PLCB4: variants seen among roughly 807,000 people sequenced by gnomAD.
PLCB4 encodes 1-phosphatidylinositol 4,5-bisphosphate phosphodiesterase beta-4.
In PLCB4, 77 loss-of-function variants were observed where a neutral mutation model predicts 178.8. The ratio of observed to expected loss-of-function variants is 0.43; its 90% CI spans 0.36 to 0.52. The LOEUF is 0.52. Ranked by LOEUF, PLCB4 falls within the 20% of genes least tolerant of loss-of-function variation. The pLI, the probability that PLCB4 is intolerant of heterozygous loss-of-function variation, is 0.00. For missense variants in PLCB4, 1,024 were observed against 1,453.4 expected (o/e 0.70, Z 4.80); for synonymous variants, 496 against 490.8 (o/e 1.01, Z -0.14).
At chr20:9,295,739 G>A (rs551702128) in intron 3 of PLCB4, among the ~76,000 whole-genome samples, 41 of 152,140 alleles carry the variant, frequency 2.7e-4, no homozygotes, top group Middle Eastern at 3.4e-3. Context: ...GTAGATATGC[G>A]GCATTATTTC....
chr20:9,387,159 C>T (rs1299639311), intron 14 of PLCB4, among the ~76,000 whole-genome samples: 1 of 151,946 alleles, frequency 6.6e-6, no homozygotes, highest in Non-Finnish European at 1.5e-5. Flanking sequence ...GGACACACCA[C>T]GCCCGGCCCC....
intron 27 of PLCB4, 28 bp from the exon 28 acceptor site, chr20:9,423,720 A>C (rs934963990): frequency 6.9e-6 from 11 of 1,589,980 alleles, no homozygotes; most frequent in Non-Finnish European, 9.5e-6. Flanking sequence ...CATTGGAAAA[A>C]TCAGTGAAAG....
intron 2 of PLCB4, among the ~76,000 whole-genome samples, chr20:9,140,901 A>G (rs994631770): frequency 3.3e-5 from 5 of 152,134 alleles, no homozygotes; most frequent in Non-Finnish European, 7.4e-5. Context: ...TGAAGAAGAA[A>G]GGACCAAGGG....
rs570429452 is a variant in PLCB4 at position 9,450,701 on chromosome 20, T to G, written c.2881-2646T>G. Among the ~76,000 whole-genome samples the G allele has an allele frequency of 4.2e-5, 6 of 141,812 alleles. No homozygotes were observed. The South Asian group carries it at 1.2e-3, about 28-fold the overall frequency. The allele number at this position is 141,812 out of a possible 152,430, so 93.0% of individuals were successfully genotyped here. The stretch of plus-strand genomic sequence containing the variant: ...TTTGAGATGGAGTCTTGCTCTGTCA[T>G]GCAGTGGCATGATCTCGACTCACTG... On this transcript the variant is annotated intron_variant, in intron 32 of 39. Coordinates refer to ENST00000378473, the MANE Select transcript of PLCB4 (RefSeq NM_001377142.1).
At chr20:9,276,272 T>G (rs1438396023) in intron 3 of PLCB4, among the ~76,000 whole-genome samples, 3 of 152,040 alleles carry the variant, frequency 2.0e-5, no homozygotes, top group African/African-American at 7.2e-5. Context: ...CTGGAGTCAA[T>G]GTAGCTAGAA....
intron 7 of PLCB4, among the ~76,000 whole-genome samples, chr20:9,360,182 A>T (rs1271881730): frequency 6.6e-6 from 1 of 152,226 alleles, no homozygotes; most frequent in Non-Finnish European, 1.5e-5. Flanking sequence ...CATTGCAAGA[A>T]GAAAGAGGCA....
chr20:9,156,332 A>G, intron 2 of PLCB4, among the ~76,000 whole-genome samples: 1 of 152,162 alleles, frequency 6.6e-6, no homozygotes, highest in East Asian at 1.9e-4. Context: ...ACATGGCACT[A>G]ACTATGTGCT....
chr20:9,192,528 CTTT>C (rs57026127), intron 2 of PLCB4, among the ~76,000 whole-genome samples: 2 of 135,334 alleles, frequency 1.5e-5, no homozygotes, highest in Admixed American at 7.3e-5. Flanking sequence ...ATTTTTTTTT[CTTT>C]TTTTTTTTTT....
chr20:9,397,252 A>G (rs1296582960), intron 19 of PLCB4, among the ~76,000 whole-genome samples: 1 of 152,182 alleles, frequency 6.6e-6, no homozygotes, highest in Non-Finnish European at 1.5e-5. Context: ...ACAACTCCTC[A>G]TCGGTTTAAG....
intron 1 of PLCB4, among the ~76,000 whole-genome samples, chr20:9,072,107 G>A (rs896042420): frequency 1.3e-5 from 2 of 152,172 alleles, no homozygotes; most frequent in African/African-American, 4.8e-5. Flanking sequence ...TGTCTGTCAA[G>A]GAGACTTATC....
chr20:9,319,746 C>G (rs981802654), intron 4 of PLCB4, among the ~76,000 whole-genome samples: 1 of 152,268 alleles, frequency 6.6e-6, no homozygotes, highest in East Asian at 1.9e-4. Flanking sequence ...CTCCTGTATT[C>G]GGCAGATCTT....
At chr20:9,264,667 C>T (rs1247596042) in intron 3 of PLCB4, among the ~76,000 whole-genome samples, 1 of 152,112 alleles carries the variant, frequency 6.6e-6, no homozygotes, top group Non-Finnish European at 1.5e-5. Context: ...AATGTAATGT[C>T]CTTTTCTTGA....
chr20:9,104,082 C>G (rs774918957), intron 2 of PLCB4, among the ~76,000 whole-genome samples: 9 of 152,132 alleles, frequency 5.9e-5, no homozygotes, highest in Non-Finnish European at 1.2e-4. Context: ...GCAGAGAAAG[C>G]TCATCTCTGC....
chr20:9,137,141 C>T (rs561787179), intron 2 of PLCB4, among the ~76,000 whole-genome samples: 5 of 152,202 alleles, frequency 3.3e-5, no homozygotes, highest in Admixed American at 2.6e-4. Flanking sequence ...CTCCTTCAGG[C>T]CTAGGACACG....
At chr20:9,421,954 T>A (rs551265437) in intron 27 of PLCB4, among the ~76,000 whole-genome samples, 14 of 152,342 alleles carry the variant, frequency 9.2e-5, no homozygotes, top group African/African-American at 3.1e-4. Flanking sequence ...GTTAGTGTTT[T>A]ATTTTTTTCT....
intron 3 of PLCB4, among the ~76,000 whole-genome samples, chr20:9,304,458 A>G (rs1044476179): frequency 1.2e-4 from 18 of 152,246 alleles, no homozygotes; most frequent in African/African-American, 4.3e-4. Context: ...AAAAAAATGT[A>G]TTTAGAGAGA....
chr20:9,429,822 GC>G (rs2041272028), intron 28 of PLCB4, among the ~76,000 whole-genome samples: 2 of 152,134 alleles, frequency 1.3e-5, no homozygotes, highest in Admixed American at 1.3e-4. Context: ...CTAATGCTGA[GC>G]CCTTTGCACT....
intron 1 of PLCB4, among the ~76,000 whole-genome samples, chr20:9,088,409 C>T (rs6086769): frequency 0.88 from 133,348 of 152,126 alleles, 58,889 homozygotes; most frequent in East Asian, 1. Flanking sequence ...AAACAATATT[C>T]CCTTTTCTCA....
chr20:9,136,364 C>T (rs528415450), intron 2 of PLCB4, among the ~76,000 whole-genome samples: 2 of 152,022 alleles, frequency 1.3e-5, no homozygotes, highest in Non-Finnish European at 2.9e-5. Flanking sequence ...AAGCAGATTC[C>T]ACTGTGGGCA....
Sources: gnomAD v4.1 joint callset for allele counts (sites outside exome capture counted in the v4.1 genomes callset) on GRCh38, gnomAD v4.1.1 for gene constraint, MANE v1.5 for transcripts, NCBI Gene and HGNC (gene_info 2026-07-23, HGNC 2026-07-21) for gene names.